OR8G1: variants seen among roughly 807,000 people sequenced by gnomAD.
OR8G1 encodes olfactory receptor 8G1.
For synonymous variants in OR8G1, 129 were observed against 133.3 expected, an observed-to-expected ratio of 0.97 and a Z score of 0.22; for missense variants, 372 against 356.2, an observed-to-expected ratio of 1.04 and a Z score of -0.36.
chr11:124,250,100 T>G lies in OR8G1; in HGVS notation c.425T>G (p.Phe142Cys), dbSNP rs1460168631. ...GTCATCATATCCAATAAGGCTTGCTTTTCTCTGATTTTAGGGGTGTATATA... is the reference window on the plus strand; with the variant it reads ...GTCATCATATCCAATAAGGCTTGCTGTTCTCTGATTTTAGGGGTGTATATA... Reference protein sequence around the residue: ...YSVIISNKACFSLILGVYIIG... With the variant: ...YSVIISNKACCSLILGVYIIG... The change falls in exon 3 of 3, where the codon TTT (phenylalanine) becomes TGT (cysteine). Residue 142 changes from phenylalanine (F) to cysteine (C), a missense_variant. Phe to Cys is a radical substitution (Grantham distance 205, BLOSUM62 -2). Coordinates refer to ENST00000641972, the MANE Select transcript of OR8G1 (RefSeq NM_001002905.2). 1 of 1,613,794 alleles carries G rather than the reference T, an allele frequency of 6.2e-7. No individual in the cohort carries two copies. Among genetic ancestry groups the G allele is most frequent in the Non-Finnish European group, 8.5e-7 (1 of 1,179,820 alleles).
At chr11:124,243,800 C>T (rs538881550) in intron 1 of OR8G1, among the ~76,000 whole-genome samples, 32 of 152,048 alleles carry the variant, frequency 2.1e-4, no homozygotes, top group African/African-American at 7.2e-4. Context: ...CAGTATTCGA[C>T]CCCTTGTCTC....
chr11:124,252,969 G>A lies in OR8G1; in HGVS notation c.*2358G>A, dbSNP rs1341408763. 1 of 152,148 alleles carries A rather than the reference G, an allele frequency of 6.6e-6. No individual in the cohort carries two copies. Among genetic ancestry groups the A allele is most frequent in the Non-Finnish European group, 1.5e-5 (1 of 68,016 alleles). The allele number at this position is 152,148 out of a possible 1,614,324, so 9.4% of individuals were successfully genotyped here. Reference sequence around the variant, plus strand: ...ACATCATATGCACTTCTGAGGAAGTGCTGGTAAAATTGAACCACCATTGCT... The same window carrying A: ...ACATCATATGCACTTCTGAGGAAGTACTGGTAAAATTGAACCACCATTGCT... On this transcript the variant is annotated 3_prime_UTR_variant, in exon 3 of 3. Coordinates refer to ENST00000641972, the MANE Select transcript of OR8G1 (RefSeq NM_001002905.2).
chr11:124,244,821 C>A (rs529874363), intron 1 of OR8G1, among the ~76,000 whole-genome samples: 41 of 151,864 alleles, frequency 2.7e-4, no homozygotes, highest in African/African-American at 9.9e-4. Context: ...AAAGAGATTA[C>A]CAGAAGTAGC....
rs1187010671 is a variant in OR8G1 at position 124,246,581 on chromosome 11, C to G, written c.-96-1220C>G. ...CAGAAATTTTAGTGGGAGACATTGA[C>G]ATACCTCACTAAATAGCTATTGGAA... On this transcript the variant is annotated intron_variant, in intron 1 of 2. Transcript: ENST00000641972. Among the ~76,000 whole-genome samples, 6 of 151,688 alleles carry G rather than the reference C, an allele frequency of 4.0e-5. No homozygotes were observed. In the Admixed American group the frequency reaches 4.0e-4, roughly 10 times the overall value.
In OR8G1 at chr11:124,252,017, T is replaced by TTA. The variant is rs1861871095; in HGVS notation, c.*1414_*1415dup. The TTA allele has an allele frequency of 6.6e-6, 1 of 152,204 alleles. No individual in the cohort carries two copies. The highest frequency in any genetic ancestry group is 2.4e-5 in the African/African-American group (1 of 41,456). The allele number at this position is 152,204 out of a possible 1,614,324, so 9.4% of individuals were successfully genotyped here. On this transcript the variant is annotated 3_prime_UTR_variant, in exon 3 of 3. Transcript: ENST00000641972. ...TTCCAGGTAATGCAGCTTACTCTGT[T>TTA]TATATATATTTAATCACAGGCTCCT...
At chr11:124,248,741 G>GA (rs555843112) in intron 2 of OR8G1, among the ~76,000 whole-genome samples, 1 of 151,518 alleles carries the variant, frequency 6.6e-6, no homozygotes, top group African/African-American at 2.4e-5. Context: ...TAAAAGAAGA[G>GA]AAAAAAAATG....
chr11:124,242,934 G>A lies in OR8G1; in HGVS notation c.-97+1570G>A, dbSNP rs187734811. Among the ~76,000 whole-genome samples, 147 of 152,032 alleles carry A rather than the reference G, an allele frequency of 9.7e-4. 1 individual carries two copies. Among genetic ancestry groups the A allele is most frequent in the Non-Finnish European group, 1.3e-3 (89 of 67,944 alleles). On this transcript the variant is annotated intron_variant, in intron 1 of 2. Transcript: ENST00000641972. ...GAAGTTACAGTAACTTGGGAATATT[G>A]TTAACCAAAGGGTGTGTGTAGACCA... is the stretch of plus-strand genomic sequence containing the variant.
chr11:124,248,177 C>G (rs567384539), intron 2 of OR8G1, among the ~76,000 whole-genome samples: 1 of 151,698 alleles, frequency 6.6e-6, no homozygotes, highest in Non-Finnish European at 1.5e-5. Flanking sequence ...GGAATTTGTT[C>G]GGATATTTTC....
chr11:124,250,683 C>T lies in OR8G1; in HGVS notation c.*72C>T, dbSNP rs1861863170. 2.4e-6 allele frequency: 1 copy of T among 412,978 alleles called. No individual in the cohort carries two copies. The allele number at this position is 412,978 out of a possible 1,614,324, so 25.6% of individuals were successfully genotyped here. A position where few individuals can be genotyped will look rare whatever the true frequency, so the allele number is the denominator to read the frequency against. ...TTACATTGTATGAATGGATGTCTTTCACTTTAATGCATCTGTCAATAATTT... is the reference window on the plus strand; with the variant it reads ...TTACATTGTATGAATGGATGTCTTTTACTTTAATGCATCTGTCAATAATTT... On this transcript the variant is annotated 3_prime_UTR_variant, in exon 3 of 3. Transcript: ENST00000641972.
chr11:124,244,173 G>T (rs1050896208), intron 1 of OR8G1, among the ~76,000 whole-genome samples: 17 of 150,906 alleles, frequency 1.1e-4, no homozygotes, highest in Non-Finnish European at 2.2e-4. Context: ...AGATGGAGAA[G>T]CAGGGTGGGA....
intron 2 of OR8G1, among the ~76,000 whole-genome samples, chr11:124,249,061 G>A (rs927711375): frequency 1.3e-5 from 2 of 152,084 alleles, no homozygotes; most frequent in African/African-American, 4.8e-5. Flanking sequence ...CTCAAATAAT[G>A]GCAGAAGTGC....
intron 2 of OR8G1, 136 bp from the exon 3 acceptor site, chr11:124,249,524 T>G (rs1861842971): frequency 1.5e-6 from 1 of 680,954 alleles, no homozygotes; most frequent in Non-Finnish European, 2.3e-6. Context: ...TAAATAAATA[T>G]TATTTGAGGT....
At chr11:124,248,463 C>T (rs1357039650) in intron 2 of OR8G1, among the ~76,000 whole-genome samples, 1 of 151,720 alleles carries the variant, frequency 6.6e-6, no homozygotes, top group Admixed American at 6.6e-5. Flanking sequence ...AAGAATTTCT[C>T]TAGCATTTTC....
At position 124,249,685 on chromosome 11, in the gene OR8G1, G is replaced by A. The variant is rs577844540; in HGVS notation, c.10G>A (p.Glu4Lys). 9.7e-5 allele frequency: 156 copies of A among 1,613,086 alleles called. 1 individual carries two copies. The Admixed American group carries it at 2.3e-3, about 23-fold the overall frequency. The change falls in exon 3 of 3, where the codon GAA (glutamate) becomes AAA (lysine). Residue 4 changes from glutamate (E) to lysine (K), a missense_variant. Glu to Lys is a moderately conservative substitution (Grantham distance 56, BLOSUM62 1). Transcript: ENST00000641972. ...AAACTGACTGGAGGAGATGTCAGGA[G>A]AAAATAATTCCTCAGTGACTGAGTT... MSG[E>K]NNSSVTEFIL...
Position 124,249,725 on chromosome 11 carries a change from T to A in OR8G1, c.50T>A (p.Leu17His). 2 of 1,613,662 alleles carry A rather than the reference T, an allele frequency of 1.2e-6. No homozygotes were observed. The highest frequency in any genetic ancestry group is 8.5e-7 in the Non-Finnish European group (1 of 1,179,750). The stretch of plus-strand genomic sequence containing the variant: ...GTGACTGAGTTCATTCTGGCTGGGC[T>A]CTCAGAACAGCCAGAGCTCCAGCTG... ...SSVTEFILAG[L>H]SEQPELQLPL... The change falls in exon 3 of 3, where the codon CTC becomes CAC. Residue 17 changes from leucine (L) to histidine (H), a missense_variant. Leu to His is a moderately conservative substitution (Grantham distance 99, BLOSUM62 -3). Transcript: ENST00000641972.
At chr11:124,249,436 A>C (rs1024531195) in intron 2 of OR8G1, among the ~76,000 whole-genome samples, 8 of 152,088 alleles carry the variant, frequency 5.3e-5, no homozygotes, top group African/African-American at 1.7e-4. Flanking sequence ...GAAGAAAGGG[A>C]TACTTAGAAA....
rs1426178918 is a variant in OR8G1 at position 124,253,705 on chromosome 11, C to A, written c.*3094C>A. ...TAATTAAAATATTATATCCTTTGAC[C>A]AACATCTCCTCCCACACGCCCAGCT... On this transcript the variant is annotated 3_prime_UTR_variant, in exon 3 of 3. Coordinates refer to ENST00000641972, the MANE Select transcript of OR8G1 (RefSeq NM_001002905.2). The A allele has an allele frequency of 6.6e-6, 1 of 151,826 alleles. No individual in the cohort carries two copies. Among genetic ancestry groups the A allele is most frequent in the Non-Finnish European group, 1.5e-5 (1 of 67,994 alleles). 9.4% of individuals were successfully genotyped at this position (151,826 alleles called of 1,614,324 possible).
chr11:124,250,350 C>A lies in OR8G1; in HGVS notation c.675C>A (p.Ile225=). Residue 225 remains isoleucine (I), a synonymous_variant, in exon 3 of 3, where the codon ATC becomes ATA. Transcript: ENST00000641972. The stretch of plus-strand genomic sequence containing the variant: ...CTTACATCTTTATTATTGCCAGCAT[C>A]CTCCACATTCGCTCCACTGAGGGCA... The part of the protein sequence containing the change: ...LCSYIFIIAS[I]LHIRSTEGRS... 6.2e-7 allele frequency: 1 copy of A among 1,613,830 alleles called. No individual in the cohort carries two copies. Among genetic ancestry groups the A allele is most frequent in the South Asian group, 1.1e-5 (1 of 91,080 alleles).
chr11:124,242,728 C>A (rs939312453), intron 1 of OR8G1, among the ~76,000 whole-genome samples: 3 of 151,972 alleles, frequency 2.0e-5, no homozygotes, highest in Non-Finnish European at 4.4e-5. Context: ...TACAGAAGTA[C>A]ACTTTTATGT....
Sources: gnomAD v4.1 joint callset for allele counts (sites outside exome capture counted in the v4.1 genomes callset) on GRCh38, gnomAD v4.1.1 for gene constraint, MANE v1.5 for transcripts, NCBI Gene and HGNC (gene_info 2026-07-23, HGNC 2026-07-21) for gene names.